The following TFAP2D variants were observed in gnomAD, a reference collection of about 807,000 sequenced individuals.
TFAP2D encodes transcription factor AP-2-delta.
In TFAP2D, 9 loss-of-function variants were observed where a neutral mutation model predicts 43.6. The ratio of observed to expected loss-of-function variants is 0.21; its 90% CI spans 0.12 to 0.36. TFAP2D has a LOEUF of 0.36. TFAP2D is among the 10% of genes least tolerant of loss of function. The pLI is 1.00. For synonymous variants in TFAP2D, 256 were observed against 224.9 expected (o/e 1.14, Z -1.24); for missense variants, 513 against 561.4 (o/e 0.91, Z 0.87).
intron 3 of TFAP2D, among the ~76,000 whole-genome samples, chr6:50,719,651 G>T (rs573397561): frequency 2.6e-5 from 4 of 152,316 alleles, no homozygotes; most frequent in African/African-American, 9.6e-5. Context: ...TGAAAGGCTA[G>T]ATCATTGAGG....
chr6:50,751,092 T>C, intron 6 of TFAP2D, 119 bp from the exon 7 acceptor site: 1 of 691,556 alleles, frequency 1.4e-6, no homozygotes, highest in Non-Finnish European at 2.4e-6. Flanking sequence ...GAGGTTGCTT[T>C]ATGAAATGTT....
At chr6:50,757,329 T>A (rs1049148871) in intron 7 of TFAP2D, among the ~76,000 whole-genome samples, 1 of 139,864 alleles carries the variant, frequency 7.1e-6, no homozygotes, top group Non-Finnish European at 1.5e-5. Context: ...TCTATAGATA[T>A]ATATATCTAT....
chr6:50,722,862 G>C (rs887147755), intron 3 of TFAP2D, among the ~76,000 whole-genome samples: 14 of 152,102 alleles, frequency 9.2e-5, no homozygotes, highest in African/African-American at 3.1e-4. Flanking sequence ...GTGAAGAGGG[G>C]AAGCGCCCTT....
intron 2 of TFAP2D, among the ~76,000 whole-genome samples, chr6:50,716,459 A>AGG (rs71305730): frequency 2.0e-5 from 3 of 151,092 alleles, no homozygotes; most frequent in Non-Finnish European, 4.4e-5. Flanking sequence ...AGGAAGGAGA[A>AGG]AAGGAAGGAA....
intron 2 of TFAP2D, 123 bp downstream of exon 2, chr6:50,715,736 CT>C: frequency 3.9e-6 from 3 of 763,856 alleles, no homozygotes; most frequent in Non-Finnish European, 6.2e-6. Context: ...CTCTCTCTCT[CT>C]CTCTCTCTCT....
intron 7 of TFAP2D, among the ~76,000 whole-genome samples, chr6:50,761,456 C>T (rs1769363291): frequency 6.6e-6 from 1 of 151,950 alleles, no homozygotes; most frequent in Admixed American, 6.6e-5. Context: ...GCAGACACAA[C>T]TGAGTGATCT....
chr6:50,727,196 C>T (rs528167428), intron 3 of TFAP2D, among the ~76,000 whole-genome samples: 1 of 152,112 alleles, frequency 6.6e-6, no homozygotes, highest in Non-Finnish European at 1.5e-5. Context: ...TCTTGGTCTC[C>T]AGCACTTGCA....
chr6:50,718,240 G>A (rs1768658981), intron 2 of TFAP2D: 1 of 152,100 alleles, frequency 6.6e-6, no homozygotes, highest in African/African-American at 2.4e-5. Flanking sequence ...TGGTGAAAAT[G>A]GGGAGGCGAA....
chr6:50,718,630 A>T (rs1768664885), intron 2 of TFAP2D, among the ~76,000 whole-genome samples: 1 of 152,082 alleles, frequency 6.6e-6, no homozygotes, highest in Non-Finnish European at 1.5e-5. Flanking sequence ...TTGGGGTAAA[A>T]CAGAACCTCC....
chr6:50,715,950 G>A (rs878888270), intron 2 of TFAP2D, among the ~76,000 whole-genome samples: 2 of 152,058 alleles, frequency 1.3e-5, no homozygotes, highest in African/African-American at 4.8e-5. Context: ...TGACCCTGAG[G>A]GGATGAGGTG....
At chr6:50,755,061 T>C (rs1291469316) in intron 7 of TFAP2D, among the ~76,000 whole-genome samples, 2 of 152,036 alleles carry the variant, frequency 1.3e-5, no homozygotes, top group African/African-American at 4.8e-5. Flanking sequence ...CTTTCCTGTA[T>C]TTTTTCTTCT....
intron 3 of TFAP2D, among the ~76,000 whole-genome samples, chr6:50,727,858 A>T (rs1768831429): frequency 6.6e-6 from 1 of 152,162 alleles, no homozygotes; most frequent in Non-Finnish European, 1.5e-5. Flanking sequence ...CAGGGTGGAC[A>T]TTGGCTCCAA....
chr6:50,757,508 T>TAC (rs1370085982), intron 7 of TFAP2D, among the ~76,000 whole-genome samples: 3 of 46,344 alleles, frequency 6.5e-5, no homozygotes, highest in African/African-American at 2.0e-4. Context: ...ATAATTATTC[T>TAC]ATATATAGAA....
Position 50,732,445 on chromosome 6 carries a change from A to G in TFAP2D, c.883+3133A>G, listed in dbSNP as rs560339090. Among the ~76,000 whole-genome samples, 6 of 152,180 alleles carry G rather than the reference A, an allele frequency of 3.9e-5. No homozygotes were observed. The South Asian group carries it at 1.2e-3, about 31-fold the overall frequency. ...TGGCCCAATACATTACTGGGGTTCA[A>G]TCATACCCCCACATTTTGGCATAAT... On this transcript the variant is annotated intron_variant, in intron 5 of 7. Coordinates refer to ENST00000008391, the MANE Select transcript of TFAP2D (RefSeq NM_172238.4).
At chr6:50,772,063 TA>T in intron 7 of TFAP2D, among the ~76,000 whole-genome samples, 1 of 152,158 alleles carries the variant, frequency 6.6e-6, no homozygotes, top group South Asian at 2.1e-4. Flanking sequence ...TATGCAGCCA[TA>T]AAAAATGATG....
chr6:50,718,973 CT>C (rs1344872012), intron 2 of TFAP2D, 116 bp from the exon 3 acceptor site: 1 of 997,538 alleles, frequency 1.0e-6, no homozygotes, highest in Non-Finnish European at 1.5e-6. Flanking sequence ...TCAATGCTTG[CT>C]TTCAAATGTC....
chr6:50,760,798 G>A (rs1264908820), intron 7 of TFAP2D, among the ~76,000 whole-genome samples: 1 of 151,870 alleles, frequency 6.6e-6, no homozygotes, highest in Non-Finnish European at 1.5e-5. Flanking sequence ...TTTAGAAGTT[G>A]TGCTGCTTTA....
chr6:50,725,476 GAGA>G (rs1268059845), intron 3 of TFAP2D, among the ~76,000 whole-genome samples: 4 of 152,174 alleles, frequency 2.6e-5, no homozygotes, highest in South Asian at 2.1e-4. Flanking sequence ...ATGAACTCTG[GAGA>G]AGTTCTGCAT....
At chr6:50,719,177 C>T (rs375294629) in intron 3 of TFAP2D, 27 bp downstream of exon 3, 4 of 1,606,376 alleles carry the variant, frequency 2.5e-6, no homozygotes, top group Admixed American at 1.7e-5. Flanking sequence ...AACATGTTAA[C>T]CCTAGACATT....
Sources: allele counts gnomAD v4.1 joint callset (sites outside exome capture counted in the v4.1 genomes callset), GRCh38; gene constraint gnomAD v4.1.1; transcripts MANE v1.5; gene names NCBI Gene and HGNC (gene_info 2026-07-23, HGNC 2026-07-21).